The following CAPZB variants were observed in gnomAD, a reference collection of about 807,000 sequenced individuals.
CAPZB encodes capping actin protein of muscle Z-line subunit beta.
A neutral mutation model predicts 38.1 loss-of-function variants in CAPZB; 2 were observed. The observed-to-expected ratio is 0.05, with a 90% CI of 0.02 to 0.17. The LOEUF (loss-of-function observed/expected upper bound fraction) is 0.17, where lower values mean the gene tolerates loss of function less well. Ranked by LOEUF, CAPZB falls within the 10% of genes least tolerant of loss-of-function variation. CAPZB has a pLI of 1.00. For missense variants in CAPZB, 161 were observed against 334.2 expected (o/e 0.48, Z 4.04); for synonymous variants, 107 against 127.4 (o/e 0.84, Z 1.08).
chr1:19,345,336 G>A, intron 6 of CAPZB, 84 bp from the exon 7 acceptor site: 1 of 1,108,206 alleles, frequency 9.0e-7, no homozygotes, highest in East Asian at 2.3e-5. Flanking sequence ...TCCACGGTCT[G>A]CAAAGAGCCT....
intron 4 of CAPZB, among the ~76,000 whole-genome samples, chr1:19,363,333 C>T (rs963764916): frequency 2.0e-5 from 3 of 147,414 alleles, no homozygotes; most frequent in African/African-American, 7.4e-5. Flanking sequence ...TTTATCAGCA[C>T]AGCCAATTAC....
At chr1:19,340,432 C>T (rs1297564480) in intron 8 of CAPZB, among the ~76,000 whole-genome samples, 1 of 152,244 alleles carries the variant, frequency 6.6e-6, no homozygotes, top group Non-Finnish European at 1.5e-5. Context: ...GGACGCTCAT[C>T]AACAAAGCCA....
intron 2 of CAPZB, among the ~76,000 whole-genome samples, chr1:19,391,218 T>C (rs1364062133): frequency 6.6e-6 from 1 of 151,938 alleles, no homozygotes; most frequent in Non-Finnish European, 1.5e-5. Flanking sequence ...TTATTAATGT[T>C]GAAAAAAATT....
In CAPZB at chr1:19,357,802, CTCTA is replaced by C. The variant is rs1482886851; in HGVS notation, c.330-243_330-240del. Among the ~76,000 whole-genome samples, 2 of 152,108 alleles carry C rather than the reference CTCTA, an allele frequency of 1.3e-5. No individual in the cohort carries two copies. Among genetic ancestry groups the C allele is most frequent in the East Asian group, 1.9e-4 (1 of 5,196 alleles). ...ATCTGAGGTTGGACTCTGCCACCTC[CTCTA>C]TCTGTGTGGTCTTTGGCTTACTGAA... On this transcript the variant is annotated intron_variant, in intron 4 of 8. Coordinates refer to ENST00000264202, the MANE Select transcript of CAPZB (RefSeq NM_004930.5). This position sits in a 1 kb window ranked among gnomAD's most constrained non-coding sequence, Gnocchi z 4.3.
intron 4 of CAPZB, among the ~76,000 whole-genome samples, chr1:19,363,531 C>T (rs1408755975): frequency 6.6e-6 from 1 of 152,056 alleles, no homozygotes; most frequent in Non-Finnish European, 1.5e-5. Flanking sequence ...ACTTTTCAAC[C>T]ACAGGACTTC....
At chr1:19,404,254 A>G (rs2094318860) in intron 2 of CAPZB, among the ~76,000 whole-genome samples, 1 of 147,396 alleles carries the variant, frequency 6.8e-6, no homozygotes, top group Non-Finnish European at 1.5e-5. Context: ...AAAAAAAAAA[A>G]AAAATATGGC....
chr1:19,415,824 C>A (rs377556021), intron 2 of CAPZB, among the ~76,000 whole-genome samples: 1 of 152,366 alleles, frequency 6.6e-6, no homozygotes, highest in African/African-American at 2.4e-5. Flanking sequence ...CAGGCATGGG[C>A]CGCCGCGCCT....
chr1:19,422,929 G>A (rs546039598), intron 1 of CAPZB, among the ~76,000 whole-genome samples: 1 of 152,298 alleles, frequency 6.6e-6, no homozygotes, highest in Admixed American at 6.5e-5. Context: ...ACTGAGCAGT[G>A]TTATCTAGGA....
chr1:19,402,210 T>A (rs548884512), intron 2 of CAPZB, among the ~76,000 whole-genome samples: 1 of 152,212 alleles, frequency 6.6e-6, no homozygotes, highest in Non-Finnish European at 1.5e-5. Flanking sequence ...CAACAGGAAC[T>A]GAGAGAACAC....
intron 4 of CAPZB, among the ~76,000 whole-genome samples, chr1:19,368,896 A>C (rs2094105449): frequency 2.0e-5 from 3 of 152,112 alleles, no homozygotes; most frequent in African/African-American, 7.2e-5. Context: ...CATCTCAGTG[A>C]GGGGAGTGCA....
At chr1:19,395,737 G>A (rs890020001) in intron 2 of CAPZB, among the ~76,000 whole-genome samples, 15 of 152,300 alleles carry the variant, frequency 9.8e-5, no homozygotes, top group African/African-American at 3.1e-4. Context: ...GTGCAGAGAA[G>A]CCAGGGTCTC....
chr1:19,380,089 T>C (rs970097442), intron 3 of CAPZB, among the ~76,000 whole-genome samples: 6 of 152,198 alleles, frequency 3.9e-5, no homozygotes, highest in African/African-American at 7.2e-5. Flanking sequence ...TGGTAAGTGA[T>C]GCTCCACCAG....
chr1:19,352,943 A>G (rs1275436214), intron 6 of CAPZB, among the ~76,000 whole-genome samples: 2 of 152,230 alleles, frequency 1.3e-5, no homozygotes, highest in African/African-American at 2.4e-5. Flanking sequence ...AGCCGCCTAC[A>G]CTGGGGCACG....
intron 2 of CAPZB, among the ~76,000 whole-genome samples, chr1:19,392,315 C>T (rs559961368): frequency 2.0e-5 from 3 of 151,902 alleles, no homozygotes; most frequent in Non-Finnish European, 2.9e-5. Context: ...ACCAAGGAGC[C>T]GGCCCTCCAA....
At chr1:19,449,757 C>T (rs2094508252) in intron 1 of CAPZB, among the ~76,000 whole-genome samples, 1 of 145,054 alleles carries the variant, frequency 6.9e-6, no homozygotes, top group Admixed American at 7.0e-5. Flanking sequence ...GCACTCTAGC[C>T]TGGTTGACAG....
chr1:19,376,704 CTGTT>C (rs962255256), intron 4 of CAPZB, among the ~76,000 whole-genome samples: 1 of 152,226 alleles, frequency 6.6e-6, no homozygotes, highest in African/African-American at 2.4e-5. Flanking sequence ...CACTGGTCCA[CTGTT>C]TGTTTTTCCA....
At position 19,356,960 on chromosome 1, in the gene CAPZB, C is replaced by T. The variant is rs536330107; in HGVS notation, c.472-209G>A. Among the ~76,000 whole-genome samples, 1 of 152,202 alleles carries T rather than the reference C, an allele frequency of 6.6e-6. No individual in the cohort carries two copies. The highest frequency in any genetic ancestry group is 6.5e-5 in the Admixed American group (1 of 15,292). On this transcript the variant is annotated intron_variant, in intron 5 of 8. Coordinates refer to ENST00000264202, the MANE Select transcript of CAPZB (RefSeq NM_004930.5). The surrounding 1 kb of genome is among the most constrained non-coding windows in gnomAD (Gnocchi z 4.3). ...CACTGCAGCCTCCACCTCCCAGGTT[C>T]AAGCGATTCTCCTGCCTCAGCCTCC... is the stretch of plus-strand genomic sequence containing the variant.
At chr1:19,471,300 T>A (rs534653936) in intron 1 of CAPZB, among the ~76,000 whole-genome samples, 2 of 152,038 alleles carry the variant, frequency 1.3e-5, no homozygotes, top group East Asian at 3.9e-4. Flanking sequence ...CACCTAAGGC[T>A]TGGAAATCAC....
chr1:19,427,874 G>C (rs775020911), intron 1 of CAPZB, among the ~76,000 whole-genome samples: 3 of 152,230 alleles, frequency 2.0e-5, no homozygotes, highest in Non-Finnish European at 4.4e-5. Context: ...TCATAGCCAA[G>C]TCAATGTCAT....
Sources: allele counts gnomAD v4.1 joint callset (sites outside exome capture counted in the v4.1 genomes callset), GRCh38; gene constraint gnomAD v4.1.1; non-coding constraint Gnocchi (gnomAD v3.1); transcripts MANE v1.5; gene names NCBI Gene and HGNC (gene_info 2026-07-23, HGNC 2026-07-21).